MEIKIN: variants seen among roughly 807,000 people sequenced by gnomAD.
MEIKIN encodes meiotic kinetochore factor.
chr5:131,872,088 C>T (rs1249303735), intron 9 of MEIKIN, among the ~76,000 whole-genome samples: 6 of 152,160 alleles, frequency 3.9e-5, no homozygotes, highest in Non-Finnish European at 8.8e-5. Context: ...AAAATCAGAG[C>T]ACCTCTCCTC....
chr5:131,938,292 C>T (rs539080656), intron 4 of MEIKIN, among the ~76,000 whole-genome samples: 3 of 151,352 alleles, frequency 2.0e-5, no homozygotes, highest in African/African-American at 4.8e-5. Context: ...TCAAAAATTC[C>T]GAGTAGCTGA....
At chr5:131,842,618 T>A (rs1446047125) in intron 11 of MEIKIN, among the ~76,000 whole-genome samples, 2 of 152,172 alleles carry the variant, frequency 1.3e-5, no homozygotes, top group Non-Finnish European at 2.9e-5. Context: ...TGCAATAGTG[T>A]GTGTTCATTC....
intron 8 of MEIKIN, among the ~76,000 whole-genome samples, chr5:131,909,522 T>C (rs540015838): frequency 1.8e-4 from 27 of 152,150 alleles, no homozygotes; most frequent in African/African-American, 6.3e-4. Flanking sequence ...ATATCTTGAG[T>C]AATACCCCAC....
At chr5:131,903,070 G>A (rs1580899550) in intron 8 of MEIKIN, among the ~76,000 whole-genome samples, 2 of 152,066 alleles carry the variant, frequency 1.3e-5, no homozygotes, top group East Asian at 3.8e-4. Flanking sequence ...GTTGAAGCCT[G>A]GATGTACAAA....
chr5:131,932,196 C>A (rs1428503939), intron 5 of MEIKIN, among the ~76,000 whole-genome samples: 1 of 152,206 alleles, frequency 6.6e-6, no homozygotes. Context: ...AGGATGTACA[C>A]TTTTACTTAA....
chr5:131,935,524 G>A (rs56089468), intron 4 of MEIKIN, among the ~76,000 whole-genome samples: 4,035 of 152,154 alleles, frequency 0.027, 187 homozygotes, highest in African/African-American at 0.092. Context: ...GGGAAAATGT[G>A]CTCTGCTATA....
intron 9 of MEIKIN, among the ~76,000 whole-genome samples, chr5:131,862,455 CATT>C (rs1316319352): frequency 6.6e-6 from 1 of 151,968 alleles, no homozygotes; most frequent in African/African-American, 2.4e-5. Flanking sequence ...CTGCTCTGAT[CATT>C]ATTATTTTCT....
intron 11 of MEIKIN, among the ~76,000 whole-genome samples, chr5:131,850,666 A>T (rs1015276923): frequency 6.6e-6 from 1 of 152,200 alleles, no homozygotes; most frequent in Non-Finnish European, 1.5e-5. Context: ...ACTATACACA[A>T]AAATTAACTC....
At chr5:131,869,622 A>C (rs1250025871) in intron 9 of MEIKIN, among the ~76,000 whole-genome samples, 1 of 152,226 alleles carries the variant, frequency 6.6e-6, no homozygotes. Flanking sequence ...TCTGTTTCAC[A>C]TAGTTCCTTT....
At chr5:131,816,656 A>T (rs1773106845) in intron 12 of MEIKIN, among the ~76,000 whole-genome samples, 2 of 152,104 alleles carry the variant, frequency 1.3e-5, no homozygotes, top group Admixed American at 1.3e-4. Flanking sequence ...ACCTCTCTTT[A>T]ATGTTTTCCA....
chr5:131,896,645 T>C (rs568064193), intron 8 of MEIKIN, among the ~76,000 whole-genome samples: 2 of 152,314 alleles, frequency 1.3e-5, no homozygotes, highest in South Asian at 2.1e-4. Context: ...ATGGCCTTCT[T>C]TGTGTCTTTT....
intron 8 of MEIKIN, among the ~76,000 whole-genome samples, chr5:131,880,520 G>GC (rs2149629011): frequency 6.6e-6 from 1 of 152,244 alleles, no homozygotes; most frequent in Non-Finnish European, 1.5e-5. Context: ...GGGATTACAG[G>GC]CGTAAGCCAT....
intron 11 of MEIKIN, among the ~76,000 whole-genome samples, chr5:131,850,585 C>G (rs1750096274): frequency 1.3e-5 from 2 of 152,128 alleles, no homozygotes; most frequent in African/African-American, 2.4e-5. Flanking sequence ...AAAGGATGAT[C>G]TCTTCAACAA....
chr5:131,906,904 G>A (rs1429425747), intron 8 of MEIKIN, among the ~76,000 whole-genome samples: 2 of 152,050 alleles, frequency 1.3e-5, no homozygotes, highest in Non-Finnish European at 2.9e-5. Context: ...GTACCTATCA[G>A]GTACTATGCT....
intron 11 of MEIKIN, among the ~76,000 whole-genome samples, chr5:131,841,831 T>C (rs1289087170): frequency 1.3e-5 from 2 of 152,214 alleles, no homozygotes; most frequent in East Asian, 3.8e-4. Flanking sequence ...CTAAGGATAT[T>C]ATTTTCTTAA....
In MEIKIN at chr5:131,880,342, A is replaced by T. The variant is rs186213018; in HGVS notation, c.704-1294T>A. Among the ~76,000 whole-genome samples, 844 of 147,548 alleles carry T rather than the reference A, an allele frequency of 5.7e-3. 6 individuals carry two copies. The highest frequency in any genetic ancestry group is 9.0e-3 in the Non-Finnish European group (606 of 67,406). On this transcript the variant is annotated intron_variant, in intron 8 of 12. Transcript: ENST00000442687. ...GGTCTCAAACTCCTGACCTCAGGTGATCTGCCCGCCTCGGCCTCTCAAAGT... is the reference window on the plus strand; with the variant it reads ...GGTCTCAAACTCCTGACCTCAGGTGTTCTGCCCGCCTCGGCCTCTCAAAGT...
At position 131,885,315 on chromosome 5, in the gene MEIKIN, C is replaced by T. The variant is rs190918080; in HGVS notation, c.704-6267G>A. Among the ~76,000 whole-genome samples, 740 of 140,860 alleles carry T rather than the reference C, an allele frequency of 5.3e-3. 11 individuals carry two copies. The highest frequency in any genetic ancestry group is 0.042 in the South Asian group (182 of 4,320). 92.4% of individuals were successfully genotyped at this position (140,860 alleles called of 152,430 possible). A position where few individuals can be genotyped will look rare whatever the true frequency, so the allele number is the denominator to read the frequency against. On this transcript the variant is annotated intron_variant, in intron 8 of 12. Transcript: ENST00000442687. ...ACAGAGGTGCTTGTGTTACCCCACCCCCAGCTGCAGGCCACTCAGAACTGA... is the reference window on the plus strand; with the variant it reads ...ACAGAGGTGCTTGTGTTACCCCACCTCCAGCTGCAGGCCACTCAGAACTGA...
At chr5:131,877,330 A>G (rs1750632896) in intron 9 of MEIKIN, among the ~76,000 whole-genome samples, 1 of 152,148 alleles carries the variant, frequency 6.6e-6, no homozygotes, top group African/African-American at 2.4e-5. Flanking sequence ...TACAAAATAA[A>G]GTCCAAATTT....
chr5:131,860,975 C>G (rs779855782), intron 9 of MEIKIN, among the ~76,000 whole-genome samples: 2 of 150,524 alleles, frequency 1.3e-5, no homozygotes, highest in African/African-American at 4.9e-5. Context: ...GTTGGCCAGG[C>G]TGGTCTCCAA....
Sources: gnomAD v4.1 joint callset for allele counts (sites outside exome capture counted in the v4.1 genomes callset) on GRCh38, gnomAD v4.1.1 for gene constraint, MANE v1.5 for transcripts, NCBI Gene and HGNC (gene_info 2026-07-23, HGNC 2026-07-21) for gene names.